Variants in TRIM24 observed in about 807,000 individuals in gnomAD.
TRIM24 encodes the protein transcription intermediary factor 1-alpha.
TRIM24 carries 29 observed loss-of-function variants against 123.9 expected under a neutral mutation model. The observed-to-expected ratio is 0.23, with a 90% CI of 0.17 to 0.32. The LOEUF (loss-of-function observed/expected upper bound fraction) is 0.32, where lower values mean the gene tolerates loss of function less well. TRIM24 is among the 10% of genes least tolerant of loss of function. The pLI is 1.00. For missense variants in TRIM24, 932 were observed against 1,295.3 expected, an observed-to-expected ratio of 0.72 and a Z score of 4.31; for synonymous variants, 456 against 461.1, an observed-to-expected ratio of 0.99 and a Z score of 0.14.
At position 138,478,869 on chromosome 7, in the gene TRIM24, G is replaced by A. The variant is rs557060946; in HGVS notation, c.364+17957G>A. On this transcript the variant is annotated intron_variant, in intron 1 of 18. Transcript: ENST00000343526. ...TTAGTTAAGCTTAAGTTCACTTTGA[G>A]TTTGGTTTCTTTTTGCTTAAATAGG... Among the ~76,000 whole-genome samples the A allele has an allele frequency of 6.6e-5, 10 of 152,280 alleles. No homozygotes were observed. In the East Asian group the frequency reaches 1.5e-3, roughly 24 times the overall value.
intron 9 of TRIM24, 63 bp downstream of exon 9, chr7:138,555,029 C>T (rs764729030): frequency 2.0e-6 from 3 of 1,484,716 alleles, no homozygotes; most frequent in Non-Finnish European, 2.7e-6. Context: ...TTTAGCAGCT[C>T]AAAATAACAA....
intron 17 of TRIM24, among the ~76,000 whole-genome samples, 192 bp downstream of exon 17, chr7:138,581,963 C>T (rs1007080763): frequency 6.6e-6 from 1 of 152,142 alleles, no homozygotes; most frequent in African/African-American, 2.4e-5. Flanking sequence ...CTGTTCATTT[C>T]TCAGGTATTC....
intron 17 of TRIM24, among the ~76,000 whole-genome samples, chr7:138,583,456 C>CAAAA (rs1392980747): frequency 2.0e-5 from 3 of 152,028 alleles, no homozygotes; most frequent in Non-Finnish European, 2.9e-5. Flanking sequence ...CCCATCTCTA[C>CAAAA]AAAAAATACA....
chr7:138,582,848 T>A (rs1167336543), intron 17 of TRIM24, among the ~76,000 whole-genome samples: 6 of 152,182 alleles, frequency 3.9e-5, no homozygotes, highest in Admixed American at 1.3e-4. Context: ...GAACTTGATA[T>A]AGGAAATAAA....
chr7:138,508,708 C>CGCGT (rs139423741), intron 2 of TRIM24, among the ~76,000 whole-genome samples: 1 of 136,194 alleles, frequency 7.3e-6, no homozygotes, highest in Non-Finnish European at 1.6e-5. Context: ...CGCGTGTGTG[C>CGCGT]GTGTGTGTGT....
intron 8 of TRIM24, among the ~76,000 whole-genome samples, chr7:138,553,529 CA>C (rs1797255707): frequency 6.6e-6 from 1 of 152,044 alleles, no homozygotes; most frequent in Non-Finnish European, 1.5e-5. Flanking sequence ...CTGTTGAAAT[CA>C]AGCTTGATTC....
chr7:138,551,422 C>T (rs1441410356), intron 8 of TRIM24, among the ~76,000 whole-genome samples: 3 of 152,166 alleles, frequency 2.0e-5, no homozygotes, highest in Non-Finnish European at 4.4e-5. Context: ...TGGCACATGC[C>T]TGTAGTCCCA....
intron 9 of TRIM24, among the ~76,000 whole-genome samples, 183 bp downstream of exon 9, chr7:138,555,149 G>T (rs920106675): frequency 3.9e-5 from 6 of 152,094 alleles, no homozygotes; most frequent in African/African-American, 1.4e-4. Flanking sequence ...GGATTTAATG[G>T]TTTATTGAGT....
chr7:138,507,509 G>A (rs1203107091), intron 2 of TRIM24, among the ~76,000 whole-genome samples: 2 of 151,730 alleles, frequency 1.3e-5, no homozygotes, highest in Non-Finnish European at 2.9e-5. Flanking sequence ...TTGATACAGA[G>A]ACAAGGTTTC....
intron 2 of TRIM24, among the ~76,000 whole-genome samples, chr7:138,512,434 C>T (rs779772495): frequency 2.6e-5 from 4 of 152,138 alleles, no homozygotes; most frequent in Non-Finnish European, 4.4e-5. Context: ...AAGGCTCTGC[C>T]CCTGCAGCAG....
At chr7:138,566,031 G>T (rs1797528598) in intron 9 of TRIM24, among the ~76,000 whole-genome samples, 1 of 152,086 alleles carries the variant, frequency 6.6e-6, no homozygotes, top group African/African-American at 2.4e-5. Context: ...CCTTCCTTTG[G>T]GCTCTGGCTT....
At chr7:138,480,908 A>G (rs1319810829) in intron 1 of TRIM24, among the ~76,000 whole-genome samples, 1 of 152,018 alleles carries the variant, frequency 6.6e-6, no homozygotes, top group Non-Finnish European at 1.5e-5. Flanking sequence ...GATTTCAGCT[A>G]TTGTGAAGCA....
chr7:138,558,918 G>A (rs576347992), intron 9 of TRIM24, among the ~76,000 whole-genome samples: 182 of 152,314 alleles, frequency 1.2e-3, no homozygotes, highest in African/African-American at 4.3e-3. Flanking sequence ...GGACCTAGAG[G>A]AACAAACGGG....
chr7:138,555,546 G>A (rs1476282643), intron 9 of TRIM24, among the ~76,000 whole-genome samples: 3 of 146,788 alleles, frequency 2.0e-5, no homozygotes, highest in East Asian at 2.0e-4. Context: ...GCAATGACAC[G>A]ATCTCAGCTC....
At chr7:138,555,091 A>T (rs992712288) in intron 9 of TRIM24, 125 bp downstream of exon 9, 5 of 1,004,966 alleles carry the variant, frequency 5.0e-6, no homozygotes, top group Non-Finnish European at 7.2e-6. Flanking sequence ...AATTTATCAC[A>T]TTAAGGATCC....
At chr7:138,496,596 C>T (rs1338588516) in intron 1 of TRIM24, among the ~76,000 whole-genome samples, 1 of 151,950 alleles carries the variant, frequency 6.6e-6, no homozygotes, top group Non-Finnish European at 1.5e-5. Flanking sequence ...AAGAAGTTTC[C>T]ATCTGTTGTT....
chr7:138,573,776 T>G lies in TRIM24; in HGVS notation c.2014+134T>G, dbSNP rs139407139. 859 of 1,034,166 alleles carry G rather than the reference T, an allele frequency of 8.3e-4. 2 individuals carry two copies. The African/African-American group carries it at 0.012, about 14-fold the overall frequency. 64.1% of individuals were successfully genotyped at this position (1,034,166 alleles called of 1,614,324 possible). On this transcript the variant is annotated intron_variant, in intron 12 of 18. Coordinates refer to ENST00000343526, the MANE Select transcript of TRIM24 (RefSeq NM_015905.3). ...TTTCACTATTTAAAATTAGTATGCTTTCAGAGAAAACAAAGGTTAAATTTC... is the reference window on the plus strand; with the variant it reads ...TTTCACTATTTAAAATTAGTATGCTGTCAGAGAAAACAAAGGTTAAATTTC...
At chr7:138,579,070 T>A (rs1346225663) in intron 14 of TRIM24, 134 bp from the exon 15 acceptor site, 6 of 635,412 alleles carry the variant, frequency 9.4e-6, no homozygotes, top group Non-Finnish European at 1.5e-5. Flanking sequence ...CAGTTAGCAA[T>A]AAACATATAC....
intron 2 of TRIM24, among the ~76,000 whole-genome samples, chr7:138,507,944 A>T (rs543801652): frequency 6.6e-6 from 1 of 152,100 alleles, no homozygotes; most frequent in African/African-American, 2.4e-5. Flanking sequence ...AAAAAAAAAA[A>T]AATTTTTTTT....
Sources: gnomAD v4.1 joint callset for allele counts (sites outside exome capture counted in the v4.1 genomes callset) on GRCh38, gnomAD v4.1.1 for gene constraint, MANE v1.5 for transcripts, NCBI Gene and HGNC (gene_info 2026-07-23, HGNC 2026-07-21) for gene names.